VWA8: variants seen among roughly 807,000 people sequenced by gnomAD.
The protein encoded by VWA8 is von Willebrand factor A domain-containing protein 8.
In VWA8, 221 loss-of-function variants were observed where a neutral mutation model predicts 241.5. The observed-to-expected ratio is 0.91, with a 90% CI of 0.82 to 1.02. The LOEUF is 1.02. Among genes scored for constraint, VWA8 ranks in the 50% least tolerant of loss-of-function variants. The probability of loss-of-function intolerance (pLI) is 0.00; values close to 1 mark genes in which losing one functional copy is unlikely to be tolerated. For missense variants in VWA8, 2,322 were observed against 2,328.7 expected, an observed-to-expected ratio of 1.00 and a Z score of 0.06; for synonymous variants, 852 against 827.1, an observed-to-expected ratio of 1.03 and a Z score of -0.52.
chr13:41,913,907 T>G (rs1876127759), intron 2 of VWA8, among the ~76,000 whole-genome samples: 1 of 152,206 alleles, frequency 6.6e-6, no homozygotes, highest in African/African-American at 2.4e-5. Context: ...AGTTGGTTCC[T>G]GGAAGGGGGA....
rs1364495947 is a variant in VWA8, at chr13:41,950,069, G to A, written c.164-56C>T. Reference sequence around the variant, plus strand: ...ATAAGAGACAAACGAGAAAACCATAGACTATGCAACAATGCTTGTCCTGAC... The same window carrying A: ...ATAAGAGACAAACGAGAAAACCATAAACTATGCAACAATGCTTGTCCTGAC... On this transcript the variant is annotated intron_variant, in intron 1 of 44. Coordinates refer to ENST00000379310, the MANE Select transcript of VWA8 (RefSeq NM_015058.2). 4 of 1,105,688 alleles carry A rather than the reference G, an allele frequency of 3.6e-6. No homozygotes were observed. In the East Asian group the frequency reaches 7.8e-5, roughly 22 times the overall value. 68.5% of individuals were successfully genotyped at this position (1,105,688 alleles called of 1,614,324 possible). A position where few individuals can be genotyped will look rare whatever the true frequency, so the allele number is the denominator to read the frequency against.
intron 36 of VWA8, 54 bp from the exon 37 acceptor site, chr13:41,671,201 G>T (rs1248162810): frequency 5.1e-6 from 8 of 1,562,842 alleles, no homozygotes; most frequent in Non-Finnish European, 8.8e-7. Flanking sequence ...AAGCAGGAGG[G>T]ATGACACTGC....
At chr13:41,831,929 A>AT (rs34555191) in intron 13 of VWA8, among the ~76,000 whole-genome samples, 2,545 of 128,980 alleles carry the variant, frequency 0.02, 27 homozygotes, top group Middle Eastern at 0.073. Context: ...CCGCATCAGC[A>AT]TTTTTTTTTT....
intron 37 of VWA8, among the ~76,000 whole-genome samples, chr13:41,622,315 G>T (rs1347868861): frequency 6.6e-6 from 1 of 152,188 alleles, no homozygotes; most frequent in Non-Finnish European, 1.5e-5. Flanking sequence ...TCCTGGGACA[G>T]CCATGTGGTA....
rs557020871 is a variant in VWA8 at position 41,597,462 on chromosome 13, C to T, written c.4987-6697G>A. On this transcript the variant is annotated intron_variant, in intron 40 of 44. Coordinates refer to ENST00000379310, the MANE Select transcript of VWA8 (RefSeq NM_015058.2). ...AGTGAAAGAAAAGAGGAGATATGTA[C>T]CTTATTCTAAGGGATTCATGTTTCT... Among the ~76,000 whole-genome samples the T allele has an allele frequency of 1.1e-4, 17 of 152,130 alleles. No homozygotes were observed. In the South Asian group the frequency reaches 3.3e-3, roughly 30 times the overall value.
At chr13:41,900,311 G>A (rs2138097238) in intron 4 of VWA8, among the ~76,000 whole-genome samples, 1 of 152,200 alleles carries the variant, frequency 6.6e-6, no homozygotes, top group Admixed American at 6.5e-5. Flanking sequence ...AATGTGGAAT[G>A]ACTAGTTGTA....
intron 14 of VWA8, among the ~76,000 whole-genome samples, chr13:41,820,685 G>T (rs1175326226): frequency 6.6e-6 from 1 of 152,138 alleles, no homozygotes; most frequent in African/African-American, 2.4e-5. Context: ...AAAGAGGGAA[G>T]GATAACAACA....
In VWA8 at chr13:41,886,806, T is replaced by A; in HGVS notation, c.841A>T (p.Ile281Phe). Residue 281 changes from isoleucine (I) to phenylalanine (F), a missense_variant, in exon 7 of 45, where the codon ATT (isoleucine) becomes TTT (phenylalanine). By Grantham distance (21) the Ile-to-Phe change is conservative. Coordinates refer to ENST00000379310, the MANE Select transcript of VWA8 (RefSeq NM_015058.2). Reference protein sequence around the residue: ...FKDQLKLLYSIGANVSAEKVS... With the variant: ...FKDQLKLLYSFGANVSAEKVS... ...TTCTCAGCAGAAACATTGGCTCCAATTGAATATAACAACTTAAGTTGGTCC... is the reference window on the plus strand; with the variant it reads ...TTCTCAGCAGAAACATTGGCTCCAAATGAATATAACAACTTAAGTTGGTCC... The A allele has an allele frequency of 2.5e-6, 4 of 1,593,330 alleles. No individual in the cohort carries two copies. The highest frequency in any genetic ancestry group is 3.4e-6 in the Non-Finnish European group (4 of 1,173,038).
At chr13:41,914,866 C>G (rs1876179680) in intron 2 of VWA8, among the ~76,000 whole-genome samples, 1 of 152,122 alleles carries the variant, frequency 6.6e-6, no homozygotes, top group Non-Finnish European at 1.5e-5. Flanking sequence ...TAACTTCCTC[C>G]CACCTTTTAT....
At chr13:41,746,435 C>A (rs2045607328) in intron 21 of VWA8, among the ~76,000 whole-genome samples, 1 of 152,126 alleles carries the variant, frequency 6.6e-6, no homozygotes, top group Non-Finnish European at 1.5e-5. Flanking sequence ...TTTCAGGAGT[C>A]TGTAGCTCTG....
chr13:41,846,679 GTTAATA>G (rs1872303669), intron 12 of VWA8, among the ~76,000 whole-genome samples: 1 of 152,124 alleles, frequency 6.6e-6, no homozygotes, highest in Admixed American at 6.5e-5. Flanking sequence ...TTAAAATAAA[GTTAATA>G]TTAAAGCAGG....
intron 21 of VWA8, among the ~76,000 whole-genome samples, chr13:41,757,888 C>G (rs544819600): frequency 2.2e-4 from 33 of 151,700 alleles, no homozygotes; most frequent in Non-Finnish European, 4.7e-4. Context: ...ACATTTAATG[C>G]CTAACATATT....
chr13:41,779,004 G>C (rs1011452722), intron 19 of VWA8, among the ~76,000 whole-genome samples: 6 of 150,388 alleles, frequency 4.0e-5, no homozygotes, highest in Non-Finnish European at 5.9e-5. Context: ...ACCACGCCCG[G>C]CTAATTTTTT....
At chr13:41,955,840 G>A (rs1348265635) in intron 1 of VWA8, 1 of 152,052 alleles carries the variant, frequency 6.6e-6, no homozygotes, top group Non-Finnish European at 1.5e-5. Context: ...GCTGAGCTTG[G>A]GTCAACCACA....
intron 37 of VWA8, among the ~76,000 whole-genome samples, chr13:41,642,137 G>T (rs1482658084): frequency 6.6e-6 from 1 of 152,148 alleles, no homozygotes; most frequent in Non-Finnish European, 1.5e-5. Flanking sequence ...ATACCATTTA[G>T]GTATTGAATT....
chr13:41,736,844 C>CTTT (rs5803100), intron 21 of VWA8, among the ~76,000 whole-genome samples: 7 of 128,496 alleles, frequency 5.4e-5, no homozygotes, highest in South Asian at 2.5e-4. Flanking sequence ...TTTTTCTTTT[C>CTTT]TTTTTTTTTT....
At chr13:41,681,875 G>T (rs1278157032) in intron 35 of VWA8, among the ~76,000 whole-genome samples, 1 of 152,124 alleles carries the variant, frequency 6.6e-6, no homozygotes, top group Non-Finnish European at 1.5e-5. Flanking sequence ...TTGGGGGGAA[G>T]GGGTGCAGCA....
chr13:41,829,342 A>T (rs1363445274), intron 14 of VWA8, among the ~76,000 whole-genome samples: 1 of 152,198 alleles, frequency 6.6e-6, no homozygotes, highest in African/African-American at 2.4e-5. Flanking sequence ...GAGAGTCCTT[A>T]AAGAACTAAA....
intron 4 of VWA8, among the ~76,000 whole-genome samples, chr13:41,901,937 C>CAT (rs1393157637): frequency 8.2e-6 from 1 of 122,518 alleles, no homozygotes; most frequent in Non-Finnish European, 1.7e-5. Context: ...TATTTGCATA[C>CAT]ATATATATGC....
Sources: gnomAD v4.1 joint callset for allele counts (sites outside exome capture counted in the v4.1 genomes callset) on GRCh38, gnomAD v4.1.1 for gene constraint, MANE v1.5 for transcripts, NCBI Gene and HGNC (gene_info 2026-07-23, HGNC 2026-07-21) for gene names.